NEGR1: variants seen among roughly 807,000 people sequenced by gnomAD.
NEGR1 encodes the protein neuronal growth regulator 1.
In NEGR1, 10 loss-of-function variants were observed where a neutral mutation model predicts 40.9. The ratio of observed to expected loss-of-function variants is 0.24; its 90% confidence interval spans 0.15 to 0.42. NEGR1 has a LOEUF of 0.42. NEGR1 is among the 10% of genes least tolerant of loss of function. The pLI, the probability that NEGR1 is intolerant of heterozygous loss-of-function variation, is 1.00. For synonymous variants in NEGR1, 185 were observed against 166.8 expected (o/e 1.11, Z -0.84); for missense variants, 352 against 438.9 (o/e 0.80, Z 1.77).
intron 1 of NEGR1, among the ~76,000 whole-genome samples, chr1:72,208,755 T>C (rs1653496255): frequency 6.6e-6 from 1 of 151,708 alleles, no homozygotes; most frequent in East Asian, 1.9e-4. Context: ...TGCAATGATT[T>C]AAAGAGTTTA....
At chr1:71,833,265 A>G (rs1033682524) in intron 2 of NEGR1, among the ~76,000 whole-genome samples, 2 of 152,062 alleles carry the variant, frequency 1.3e-5, no homozygotes, top group Non-Finnish European at 2.9e-5. Flanking sequence ...TGCACCTGGC[A>G]GTAACAAGAT....
intron 1 of NEGR1, among the ~76,000 whole-genome samples, chr1:72,038,071 A>T (rs1017154298): frequency 4.6e-5 from 7 of 152,126 alleles, no homozygotes; most frequent in Non-Finnish European, 1.0e-4. Context: ...AAAGTGTCAC[A>T]TAATTTGGAA....
chr1:71,840,673 T>C (rs1361515935), intron 2 of NEGR1, among the ~76,000 whole-genome samples: 1 of 152,150 alleles, frequency 6.6e-6, no homozygotes, highest in East Asian at 1.9e-4. Flanking sequence ...AAACTTGGAA[T>C]GCTATAAATA....
chr1:72,129,608 T>C (rs1650166430), intron 1 of NEGR1, among the ~76,000 whole-genome samples: 1 of 152,080 alleles, frequency 6.6e-6, no homozygotes, highest in African/African-American at 2.4e-5. Context: ...GACAAACAGA[T>C]AAAAGTAATA....
Position 71,690,619 on chromosome 1 carries a change from CAGAGAGAGAGAGAGAGAGAG to C in NEGR1, c.667+7369_667+7388del, listed in dbSNP as rs59019409. On this transcript the variant is annotated intron_variant, in intron 4 of 6. Transcript: ENST00000357731. ...ACACACATATATATATAGAGGGAGA[CAGAGAGAGAGAGAGAGAGAG>C]AGAGAGAGAGAGAGAGAGAGAGAGA... 2.2e-4 allele frequency among the ~76,000 whole-genome samples: 15 copies of C among 67,648 alleles called. No homozygotes were observed. The East Asian group carries it at 2.5e-3, about 11-fold the overall frequency. 44.4% of individuals were successfully genotyped at this position (67,648 alleles called of 152,430 possible).
chr1:71,881,641 G>GA (rs1398561052), intron 2 of NEGR1, among the ~76,000 whole-genome samples: 1 of 151,990 alleles, frequency 6.6e-6, no homozygotes, highest in Non-Finnish European at 1.5e-5. Context: ...TAAATTTGAA[G>GA]AAAAAAGTCT....
intron 6 of NEGR1, among the ~76,000 whole-genome samples, chr1:71,479,651 G>A (rs904746742): frequency 2.8e-4 from 42 of 151,932 alleles, no homozygotes; most frequent in African/African-American, 9.6e-4. Flanking sequence ...AACTGTTTTC[G>A]CACCAATCCC....
Position 71,631,317 on chromosome 1 carries a change from T to C in NEGR1, c.668-20171A>G, listed in dbSNP as rs1440759002. On this transcript the variant is annotated intron_variant, in intron 4 of 6. Transcript: ENST00000357731. ...ATTCAATAGAGAGCCTGATATCAGA[T>C]GATTAGAAACTTTCTGCTAGGGTAA... Among the ~76,000 whole-genome samples, 4 of 151,952 alleles carry C rather than the reference T, an allele frequency of 2.6e-5. No homozygotes were observed. In the East Asian group the frequency reaches 7.7e-4, roughly 29 times the overall value.
At chr1:72,246,919 C>T (rs914722974) in intron 1 of NEGR1, among the ~76,000 whole-genome samples, 2 of 152,242 alleles carry the variant, frequency 1.3e-5, no homozygotes, top group Non-Finnish European at 2.9e-5. Context: ...ATTCTGCACA[C>T]ATACAGGGTT....
In NEGR1 at chr1:71,597,472, C is replaced by CTGTGTG. The variant is rs1553152644; in HGVS notation, c.789-4510_789-4505dup. 3.6e-3 allele frequency among the ~76,000 whole-genome samples: 113 copies of CTGTGTG among 31,326 alleles called. 5 individuals carry two copies. Among genetic ancestry groups the CTGTGTG allele is most frequent in the African/African-American group, 0.011 (105 of 9,942 alleles). The allele number at this position is 31,326 out of a possible 152,430, so 20.6% of individuals were successfully genotyped here. A position where few individuals can be genotyped will look rare whatever the true frequency, so the allele number is the denominator to read the frequency against. ...TCTCTCTCTCTCTCTCTCTCTCTCT[C>CTGTGTG]TGTGTGTGTGTGTGTGTGTGTGTGT... is the stretch of plus-strand genomic sequence containing the variant. On this transcript the variant is annotated intron_variant, in intron 5 of 6. Coordinates refer to ENST00000357731, the MANE Select transcript of NEGR1 (RefSeq NM_173808.3).
At chr1:71,613,004 C>A (rs1246509219) in intron 4 of NEGR1, among the ~76,000 whole-genome samples, 1 of 152,138 alleles carries the variant, frequency 6.6e-6, no homozygotes, top group African/African-American at 2.4e-5. Context: ...TATTCTAAGA[C>A]AAATGGTGAG....
intron 3 of NEGR1, among the ~76,000 whole-genome samples, chr1:71,761,189 T>G (rs1019504128): frequency 1.3e-5 from 2 of 152,172 alleles, no homozygotes; most frequent in Non-Finnish European, 2.9e-5. Context: ...TCAGCAAACA[T>G]TTTTTAAAGG....
chr1:71,443,138 C>A (rs1196156742), intron 6 of NEGR1, among the ~76,000 whole-genome samples: 1 of 152,144 alleles, frequency 6.6e-6, no homozygotes, highest in African/African-American at 2.4e-5. Context: ...CTTTAGCTAT[C>A]TAAACATTAT....
chr1:72,092,089 G>C (rs1210879604), intron 1 of NEGR1, among the ~76,000 whole-genome samples: 1 of 151,998 alleles, frequency 6.6e-6, no homozygotes, highest in African/African-American at 2.4e-5. Context: ...TTAAAAGGTA[G>C]ACATTGAATC....
chr1:72,264,901 A>C (rs996983), intron 1 of NEGR1, among the ~76,000 whole-genome samples: 3,517 of 150,872 alleles, frequency 0.023, 118 homozygotes, highest in African/African-American at 0.081. Context: ...GATGGAAAAC[A>C]CATTAACAAT....
intron 2 of NEGR1, among the ~76,000 whole-genome samples, chr1:71,853,707 C>A (rs1659679872): frequency 6.6e-6 from 1 of 152,024 alleles, no homozygotes; most frequent in South Asian, 2.1e-4. Flanking sequence ...TAGACAGATC[C>A]AGAAAGGGTC....
chr1:71,841,931 C>G (rs889846321), intron 2 of NEGR1, among the ~76,000 whole-genome samples: 7 of 152,082 alleles, frequency 4.6e-5, no homozygotes, highest in Non-Finnish European at 1.0e-4. Context: ...AAAACTGTCT[C>G]AAAATTCCTT....
intron 1 of NEGR1, among the ~76,000 whole-genome samples, chr1:72,190,575 ACTTT>A (rs949789503): frequency 2.6e-5 from 4 of 151,692 alleles, no homozygotes; most frequent in Non-Finnish European, 5.9e-5. Flanking sequence ...ACACAATTTT[ACTTT>A]CTGTCAACAA....
chr1:71,594,165 T>A (rs1236197033), intron 5 of NEGR1, among the ~76,000 whole-genome samples: 1 of 152,172 alleles, frequency 6.6e-6, no homozygotes, highest in East Asian at 1.9e-4. Flanking sequence ...TAAATATAAA[T>A]TTTCCTACAA....
Sources: gnomAD v4.1 joint callset for allele counts (sites outside exome capture counted in the v4.1 genomes callset) on GRCh38, gnomAD v4.1.1 for gene constraint, MANE v1.5 for transcripts, NCBI Gene and HGNC (gene_info 2026-07-23, HGNC 2026-07-21) for gene names.